NKAIN3: variants seen among roughly 807,000 people sequenced by gnomAD.
NKAIN3 encodes the protein sodium/potassium-transporting ATPase subunit beta-1-interacting protein 3.
NKAIN3 carries 25 observed loss-of-function variants against 30.2 expected under a neutral mutation model. That is an observed-to-expected ratio of 0.83 (90% confidence interval 0.60 to 1.16). The LOEUF (loss-of-function observed/expected upper bound fraction) is 1.16. NKAIN3 is among the 50% of genes most tolerant of loss of function. NKAIN3 has a pLI of 0.00. For synonymous variants in NKAIN3, 91 were observed against 89.6 expected (o/e 1.02, Z -0.09); for missense variants, 225 against 254.1 (o/e 0.89, Z 0.78).
At chr8:62,463,882 A>G (rs1806073402) in intron 1 of NKAIN3, among the ~76,000 whole-genome samples, 1 of 152,174 alleles carries the variant, frequency 6.6e-6, no homozygotes, top group Non-Finnish European at 1.5e-5. Flanking sequence ...CTCTATGAAA[A>G]TACTGTAATA....
chr8:62,955,481 A>C (rs532160186), intron 6 of NKAIN3, among the ~76,000 whole-genome samples: 3 of 152,144 alleles, frequency 2.0e-5, no homozygotes, highest in African/African-American at 7.2e-5. Context: ...AAGAGTCTTC[A>C]TATATTTGTT....
intron 4 of NKAIN3, among the ~76,000 whole-genome samples, chr8:62,868,426 T>C (rs1820491298): frequency 6.6e-6 from 1 of 152,050 alleles, no homozygotes; most frequent in African/African-American, 2.4e-5. Flanking sequence ...CAAGGAGGCA[T>C]TTATCTGAAT....
intron 4 of NKAIN3, among the ~76,000 whole-genome samples, chr8:62,772,054 C>A (rs1454715937): frequency 1.3e-5 from 2 of 151,894 alleles, no homozygotes; most frequent in Non-Finnish European, 2.9e-5. Flanking sequence ...TCCCTACTAC[C>A]CCCCACTATT....
At chr8:62,645,720 C>G (rs1187487972) in intron 3 of NKAIN3, among the ~76,000 whole-genome samples, 1 of 152,138 alleles carries the variant, frequency 6.6e-6, no homozygotes, top group East Asian at 1.9e-4. Context: ...TGAGCACCAA[C>G]TTTGTTTTGG....
chr8:62,466,041 A>C (rs190378024), intron 1 of NKAIN3, among the ~76,000 whole-genome samples: 1 of 152,130 alleles, frequency 6.6e-6, no homozygotes, highest in Admixed American at 6.5e-5. Context: ...AAAAAGAAAG[A>C]AAAAAAAGTT....
chr8:62,561,677 C>A (rs1809582720), intron 1 of NKAIN3, among the ~76,000 whole-genome samples: 1 of 152,068 alleles, frequency 6.6e-6, no homozygotes, highest in Non-Finnish European at 1.5e-5. Context: ...ATACTCACTT[C>A]ATAGAGTTTC....
At chr8:62,781,192 A>T (rs1386125231) in intron 4 of NKAIN3, among the ~76,000 whole-genome samples, 1 of 151,936 alleles carries the variant, frequency 6.6e-6, no homozygotes, top group Admixed American at 6.6e-5. Flanking sequence ...GCTGCAAAAA[A>T]TAAATAAAAT....
chr8:62,791,116 G>A (rs1817690759), intron 4 of NKAIN3, among the ~76,000 whole-genome samples: 3 of 151,942 alleles, frequency 2.0e-5, no homozygotes, highest in African/African-American at 7.2e-5. Context: ...GCATCCCACT[G>A]GTCAAAGTAA....
intron 2 of NKAIN3, among the ~76,000 whole-genome samples, chr8:62,586,659 A>G (rs1225288422): frequency 1.3e-5 from 2 of 152,150 alleles, no homozygotes; most frequent in African/African-American, 4.8e-5. Context: ...GAAAGTAAAA[A>G]TAATTCATAT....
At chr8:62,883,457 G>GTTGTTGTTTTTT in intron 4 of NKAIN3, among the ~76,000 whole-genome samples, 475 of 70,102 alleles carry the variant, frequency 6.8e-3, no homozygotes, top group South Asian at 0.017. Context: ...AGTTTTATGG[G>GTTGTTGTTTTTT]TTTTTTTTTT....
chr8:62,449,938 G>A (rs780930409), intron 1 of NKAIN3, among the ~76,000 whole-genome samples: 7 of 152,126 alleles, frequency 4.6e-5, no homozygotes, highest in African/African-American at 9.6e-5. Context: ...TATGCATAAT[G>A]TCTAAAATTA....
chr8:62,973,901 G>A lies in NKAIN3; in HGVS notation c.*8494G>A, dbSNP rs746901230. Among the ~76,000 whole-genome samples the A allele has an allele frequency of 4.6e-5, 7 of 152,150 alleles. No individual in the cohort carries two copies. Among genetic ancestry groups the A allele is most frequent in the Non-Finnish European group, 5.9e-5 (4 of 68,026 alleles). On this transcript the variant is annotated 3_prime_UTR_variant, in exon 7 of 7. Coordinates refer to ENST00000623646, the MANE Select transcript of NKAIN3 (RefSeq NM_001304533.3). ...TGCGTATGGCTAGCTAATTTTCCCA[G>A]CACCATTTATTAAATAGGAAATCCT... is the stretch of plus-strand genomic sequence containing the variant.
At chr8:62,956,198 G>C (rs1256310295) in intron 6 of NKAIN3, among the ~76,000 whole-genome samples, 1 of 152,034 alleles carries the variant, frequency 6.6e-6, no homozygotes, top group Non-Finnish European at 1.5e-5. Flanking sequence ...TGAATCCAAT[G>C]ATGCCATATC....
At chr8:62,562,659 G>C (rs1397592210) in intron 1 of NKAIN3, among the ~76,000 whole-genome samples, 2 of 152,132 alleles carry the variant, frequency 1.3e-5, no homozygotes, top group East Asian at 3.9e-4. Context: ...ACCATCAACT[G>C]TGTGTTACTT....
chr8:62,602,969 CAA>C (rs1563479194), intron 3 of NKAIN3, among the ~76,000 whole-genome samples: 6 of 152,180 alleles, frequency 3.9e-5, no homozygotes, highest in African/African-American at 1.4e-4. Flanking sequence ...GCATCATTAT[CAA>C]GAGAATTTTG....
chr8:62,268,979 T>A (rs1245003305), intron 1 of NKAIN3, among the ~76,000 whole-genome samples: 3 of 152,176 alleles, frequency 2.0e-5, no homozygotes, highest in Non-Finnish European at 4.4e-5. Flanking sequence ...TGGGACTTTT[T>A]CCTTTAGCTC....
At chr8:62,762,096 A>C (rs1816685564) in intron 4 of NKAIN3, among the ~76,000 whole-genome samples, 1 of 152,096 alleles carries the variant, frequency 6.6e-6, no homozygotes, top group Admixed American at 6.6e-5. Flanking sequence ...CGGGTGGATC[A>C]CCTGAGGTCA....
intron 3 of NKAIN3, among the ~76,000 whole-genome samples, chr8:62,604,848 T>C (rs922599623): frequency 2.0e-5 from 3 of 152,168 alleles, no homozygotes; most frequent in African/African-American, 7.2e-5. Context: ...TGTTCAACTA[T>C]ATTCATCAAA....
intron 1 of NKAIN3, among the ~76,000 whole-genome samples, chr8:62,550,796 T>G (rs569217034): frequency 9.2e-5 from 14 of 152,204 alleles, no homozygotes; most frequent in East Asian, 1.9e-4. Flanking sequence ...AGAGTGAGTA[T>G]GTACAAGAAG....
Sources: gnomAD v4.1 joint callset for allele counts (sites outside exome capture counted in the v4.1 genomes callset) on GRCh38, gnomAD v4.1.1 for gene constraint, MANE v1.5 for transcripts, NCBI Gene and HGNC (gene_info 2026-07-23, HGNC 2026-07-21) for gene names.